Variants in PPARGC1B observed in about 807,000 individuals in gnomAD.
PPARGC1B encodes PPARG coactivator 1 beta.
A neutral mutation model predicts 101.6 loss-of-function variants in PPARGC1B; 34 were observed. The ratio of observed to expected loss-of-function variants is 0.33; its 90% confidence interval spans 0.25 to 0.45. The LOEUF (loss-of-function observed/expected upper bound fraction) is 0.45. Ranked by LOEUF, PPARGC1B falls within the 20% of genes least tolerant of loss-of-function variation. The probability of loss-of-function intolerance (pLI) is 1.00; values close to 1 mark genes in which losing one functional copy is unlikely to be tolerated. For synonymous variants in PPARGC1B, 548 were observed against 539.3 expected, an observed-to-expected ratio of 1.02 and a Z score of -0.22; for missense variants, 1,234 against 1,317.6, an observed-to-expected ratio of 0.94 and a Z score of 0.98.
chr5:149,734,148 C>T (rs1255715915), intron 1 of PPARGC1B, among the ~76,000 whole-genome samples: 1 of 151,830 alleles, frequency 6.6e-6, no homozygotes, highest in Non-Finnish European at 1.5e-5. Flanking sequence ...ATGGTGAAAT[C>T]CTGTCTCTAC....
intron 1 of PPARGC1B, among the ~76,000 whole-genome samples, chr5:149,784,527 G>A (rs1322791553): frequency 6.8e-6 from 1 of 147,690 alleles, no homozygotes; most frequent in African/African-American, 2.5e-5. Context: ...TCCCTCCCAG[G>A]TGTCCTGAGC....
At chr5:149,775,465 G>A (rs75366998) in intron 1 of PPARGC1B, among the ~76,000 whole-genome samples, 191 of 152,260 alleles carry the variant, frequency 1.3e-3, no homozygotes, top group African/African-American at 4.4e-3. Context: ...GATAAAGGTC[G>A]TGACTGAGAT....
At chr5:149,813,767 A>G (rs1167640926) in intron 1 of PPARGC1B, among the ~76,000 whole-genome samples, 1 of 152,172 alleles carries the variant, frequency 6.6e-6, no homozygotes, top group East Asian at 1.9e-4. Context: ...CTTATACACA[A>G]CAGAACTTTA....
At chr5:149,803,632 C>A (rs1268402766) in intron 1 of PPARGC1B, among the ~76,000 whole-genome samples, 2 of 152,172 alleles carry the variant, frequency 1.3e-5, no homozygotes, top group Non-Finnish European at 2.9e-5. Flanking sequence ...TCTGATTTTC[C>A]CCCTTTCCTA....
chr5:149,806,090 T>C (rs1329682338), intron 1 of PPARGC1B, among the ~76,000 whole-genome samples: 1 of 152,196 alleles, frequency 6.6e-6, no homozygotes, highest in Non-Finnish European at 1.5e-5. Flanking sequence ...ATTGGGGAAC[T>C]GACTTCAGCT....
In PPARGC1B at chr5:149,847,671, C is replaced by A; in HGVS notation, c.*113C>A. 1.3e-6 allele frequency: 1 copy of A among 750,760 alleles called. No homozygotes were observed. Among genetic ancestry groups the A allele is most frequent in the Non-Finnish European group, 2.2e-6 (1 of 444,528 alleles). 46.5% of individuals were successfully genotyped at this position (750,760 alleles called of 1,614,324 possible). A position where few individuals can be genotyped will look rare whatever the true frequency, so the allele number is the denominator to read the frequency against. On this transcript the variant is annotated 3_prime_UTR_variant, in exon 12 of 12. Transcript: ENST00000309241. Reference sequence around the variant, plus strand: ...AGGAGAGCGAGCGAGCGTGAGAGAACACCCGTGAGAGAGACTTGAAACTGC... The same window carrying A: ...AGGAGAGCGAGCGAGCGTGAGAGAAAACCCGTGAGAGAGACTTGAAACTGC...
intron 1 of PPARGC1B, among the ~76,000 whole-genome samples, chr5:149,790,028 C>G (rs1469800824): frequency 6.6e-6 from 1 of 152,210 alleles, no homozygotes; most frequent in Admixed American, 6.5e-5. Flanking sequence ...TCTACCACTT[C>G]TAGCTGGGTG....
intron 1 of PPARGC1B, among the ~76,000 whole-genome samples, chr5:149,797,056 G>A (rs756776265): frequency 3.3e-5 from 5 of 152,032 alleles, no homozygotes; most frequent in Non-Finnish European, 5.9e-5. Flanking sequence ...TCCCTCCCTC[G>A]CCCAACAGCT....
rs368966920 is a variant in PPARGC1B at position 149,752,514 on chromosome 5, A to G, written c.78+22094A>G. ...GCTTTTGTATTTATTTTGCAAATGTAACACAGACCCTGGTTTAAAAGATTA... is the reference window on the plus strand; with the variant it reads ...GCTTTTGTATTTATTTTGCAAATGTGACACAGACCCTGGTTTAAAAGATTA... On this transcript the variant is annotated intron_variant, in intron 1 of 11. Transcript: ENST00000309241. Among the ~76,000 whole-genome samples the G allele has an allele frequency of 2.0e-5, 3 of 152,372 alleles. No individual in the cohort carries two copies. In the East Asian group the frequency reaches 5.8e-4, roughly 29 times the overall value.
chr5:149,735,390 C>G (rs1754664793), intron 1 of PPARGC1B, among the ~76,000 whole-genome samples: 3 of 152,182 alleles, frequency 2.0e-5, no homozygotes, highest in Non-Finnish European at 4.4e-5. Flanking sequence ...CTTCCTTCTT[C>G]CTCTGGAATA....
intron 1 of PPARGC1B, chr5:149,772,264 G>A: frequency 3.9e-6 from 6 of 1,540,986 alleles, no homozygotes; most frequent in Non-Finnish European, 5.3e-6. Context: ...GTTGTGATGT[G>A]GCGATGGTGG....
Position 149,832,955 on chromosome 5 carries a change from G to A in PPARGC1B, c.882G>A (p.Met294Ile). The A allele has an allele frequency of 6.2e-7, 1 of 1,613,186 alleles. No individual in the cohort carries two copies. The highest frequency in any genetic ancestry group is 8.5e-7 in the Non-Finnish European group (1 of 1,180,012). The stretch of plus-strand genomic sequence containing the variant: ...CGATGGTGCAACTCATACGCTACAT[G>A]CACACCTACTGCCTCCCCCAGAGGA... ...MQAMVQLIRY[M>I]HTYCLPQRKL... is the part of the protein sequence containing the mutation. Residue 294 changes from methionine to isoleucine, a missense_variant, in exon 5 of 12, where the codon ATG becomes ATA. Physicochemically the swap from Met to Ile is conservative, Grantham distance 10. This residue lies in a region of PPARGC1B where 734 missense variants were observed against 768.4 expected (regional missense o/e 0.96). Transcript: ENST00000309241. This position sits in a 1 kb window ranked among gnomAD's most constrained non-coding sequence, Gnocchi z 4.9.
Position 149,835,315 on chromosome 5 carries a change from G to T in PPARGC1B, c.1757G>T (p.Gly586Val), listed in dbSNP as rs757288730. 1 of 1,614,170 alleles carries T rather than the reference G, an allele frequency of 6.2e-7. No individual in the cohort carries two copies. Among genetic ancestry groups the T allele is most frequent in the South Asian group, 1.1e-5 (1 of 91,078 alleles). Residue 586 changes from glycine to valine, a missense_variant, in exon 7 of 12, where the codon GGC becomes GTC. Around this residue, in one of 3 missense-constraint regions of PPARGC1B, gnomAD observed 734 missense variants for 768.4 expected, o/e 0.96. Transcript: ENST00000309241. ...GCCTCCACCAGCGACCCAACTTTTG[G>T]CAAGAAGAGCTTTGAGCAGACCTTG... The part of the protein sequence containing the change: ...LALSQSDPTF[G>V]KKSFEQTLTV...
At chr5:149,738,524 G>A (rs747057212) in intron 1 of PPARGC1B, among the ~76,000 whole-genome samples, 5 of 152,182 alleles carry the variant, frequency 3.3e-5, no homozygotes, top group South Asian at 2.1e-4. Context: ...TCCTCTCCCC[G>A]CCACCATCCC....
chr5:149,830,148 GTAGT>G (rs1290620166), intron 3 of PPARGC1B, among the ~76,000 whole-genome samples: 1 of 150,440 alleles, frequency 6.6e-6, no homozygotes, highest in Admixed American at 6.6e-5. Context: ...TCACCGAAAA[GTAGT>G]TAGTGGAGTT....
chr5:149,735,929 G>A (rs1754690208), intron 1 of PPARGC1B, among the ~76,000 whole-genome samples: 1 of 152,204 alleles, frequency 6.6e-6, no homozygotes, highest in African/African-American at 2.4e-5. Context: ...TTCGAGATCA[G>A]CCTGACCAAC....
At chr5:149,803,067 TC>T (rs1310714907) in intron 1 of PPARGC1B, among the ~76,000 whole-genome samples, 1 of 152,166 alleles carries the variant, frequency 6.6e-6, no homozygotes, top group East Asian at 1.9e-4. Flanking sequence ...CTGACACTTT[TC>T]CACCCTGCCC....
intron 1 of PPARGC1B, among the ~76,000 whole-genome samples, chr5:149,784,759 G>T (rs1393279083): frequency 6.6e-6 from 1 of 151,788 alleles, no homozygotes; most frequent in Non-Finnish European, 1.5e-5. Context: ...AGTAGAGACG[G>T]GGTTTCACCG....
In PPARGC1B at chr5:149,849,578, T is replaced by G. The variant is rs1426837840; in HGVS notation, c.*2020T>G. The stretch of plus-strand genomic sequence containing the variant: ...TATAAGAATCCTGAAATCAGTGCTC[T>G]GGTAAGTCATTACTAATTGATTAGA... On this transcript the variant is annotated 3_prime_UTR_variant, in exon 12 of 12. Transcript: ENST00000309241. 1.3e-5 allele frequency: 2 copies of G among 152,264 alleles called. No individual in the cohort carries two copies. The highest frequency in any genetic ancestry group is 4.8e-5 in the African/African-American group (2 of 41,472). The allele number at this position is 152,264 out of a possible 1,614,324, so 9.4% of individuals were successfully genotyped here. A position where few individuals can be genotyped will look rare whatever the true frequency, so the allele number is the denominator to read the frequency against.
Sources: allele counts gnomAD v4.1 joint callset (sites outside exome capture counted in the v4.1 genomes callset), GRCh38; gene constraint gnomAD v4.1.1; regional missense constraint gnomAD v4.1.1; non-coding constraint Gnocchi (gnomAD v3.1); transcripts MANE v1.5; gene names NCBI Gene and HGNC (gene_info 2026-07-23, HGNC 2026-07-21).